ZFPM2: variants seen among roughly 807,000 people sequenced by gnomAD.
The protein encoded by ZFPM2 is zinc finger protein, FOG family member 2, also known as zinc finger protein ZFPM2.
ZFPM2 carries 20 observed loss-of-function variants against 98.6 expected under a neutral mutation model. The ratio of observed to expected loss-of-function variants is 0.20; its 90% CI spans 0.14 to 0.29. The LOEUF (loss-of-function observed/expected upper bound fraction) is 0.29. Among genes scored for constraint, ZFPM2 ranks in the 10% least tolerant of loss-of-function variants. The pLI, the probability that ZFPM2 is intolerant of heterozygous loss-of-function variation, is 1.00. For synonymous variants in ZFPM2, 518 were observed against 502.7 expected, an observed-to-expected ratio of 1.03 and a Z score of -0.41; for missense variants, 1,310 against 1,388.6, an observed-to-expected ratio of 0.94 and a Z score of 0.90.
chr8:105,713,119 C>T (rs1413629089), intron 5 of ZFPM2, among the ~76,000 whole-genome samples: 1 of 152,078 alleles, frequency 6.6e-6, no homozygotes, highest in African/African-American at 2.4e-5. Flanking sequence ...AAACTGCTTT[C>T]TATAGTGACT....
chr8:105,658,604 A>AAAAAAAAAAAAAAAAAAAC (rs1817332317), intron 5 of ZFPM2, among the ~76,000 whole-genome samples: 1 of 149,284 alleles, frequency 6.7e-6, no homozygotes, highest in Non-Finnish European at 1.5e-5. Flanking sequence ...AAAAAAAAAA[A>AAAAAAAAAAAAAAAAAAAC]AAAAAAAGAA....
chr8:105,431,173 G>T (rs1283078616), intron 2 of ZFPM2, among the ~76,000 whole-genome samples: 1 of 152,042 alleles, frequency 6.6e-6, no homozygotes, highest in African/African-American at 2.4e-5. Context: ...TTCCCAAAGT[G>T]CTGGGGTTAC....
chr8:105,354,944 ACT>A (rs1357628545), intron 1 of ZFPM2, among the ~76,000 whole-genome samples: 7 of 152,110 alleles, frequency 4.6e-5, no homozygotes, highest in Non-Finnish European at 1.0e-4. Context: ...ACAGAGCAAG[ACT>A]CTGTCTCAAA....
intron 5 of ZFPM2, among the ~76,000 whole-genome samples, chr8:105,713,335 A>G (rs1811446755): frequency 1.3e-5 from 2 of 151,730 alleles, no homozygotes; most frequent in Non-Finnish European, 2.9e-5. Flanking sequence ...TTTGAAGAGT[A>G]TTTGTTCATG....
intron 5 of ZFPM2, among the ~76,000 whole-genome samples, chr8:105,769,697 TA>T (rs1563556034): frequency 6.6e-6 from 1 of 152,046 alleles, no homozygotes; most frequent in Non-Finnish European, 1.5e-5. Flanking sequence ...TATCACTGCT[TA>T]TAAAACATAA....
intron 3 of ZFPM2, among the ~76,000 whole-genome samples, chr8:105,536,397 C>T (rs1563706173): frequency 6.6e-6 from 1 of 151,652 alleles, no homozygotes; most frequent in Non-Finnish European, 1.5e-5. Flanking sequence ...AGTTTCTTTT[C>T]CCCTCTTGTC....
intron 3 of ZFPM2, among the ~76,000 whole-genome samples, chr8:105,484,746 G>A (rs1018210704): frequency 1.3e-5 from 2 of 152,136 alleles, no homozygotes; most frequent in African/African-American, 4.8e-5. Context: ...TGATGAATTT[G>A]TGTATTTATC....
chr8:105,414,185 T>G (rs1160797293), intron 1 of ZFPM2, among the ~76,000 whole-genome samples: 3 of 151,982 alleles, frequency 2.0e-5, no homozygotes, highest in Admixed American at 2.0e-4. Flanking sequence ...GCATGCAATA[T>G]CAAGCTAAAG....
intron 5 of ZFPM2, among the ~76,000 whole-genome samples, chr8:105,672,550 T>C (rs1817615401): frequency 6.6e-6 from 1 of 152,138 alleles, no homozygotes; most frequent in East Asian, 1.9e-4. Flanking sequence ...GTGCCATTGA[T>C]TTTTAAAAAT....
intron 5 of ZFPM2, among the ~76,000 whole-genome samples, chr8:105,781,902 A>AACTT (rs1377448907): frequency 6.6e-6 from 1 of 152,186 alleles, no homozygotes; most frequent in Non-Finnish European, 1.5e-5. Flanking sequence ...CAATTATTCA[A>AACTT]ACTTAGTAAT....
At chr8:105,354,921 T>C (rs989383382) in intron 1 of ZFPM2, among the ~76,000 whole-genome samples, 4 of 151,642 alleles carry the variant, frequency 2.6e-5, no homozygotes, top group Non-Finnish European at 5.9e-5. Context: ...GCCACTGCAC[T>C]CCAGCCTGGG....
intron 1 of ZFPM2, among the ~76,000 whole-genome samples, chr8:105,373,753 G>A (rs1377747412): frequency 2.0e-5 from 3 of 152,058 alleles, no homozygotes. Context: ...TGGAAACTAT[G>A]TTTTTTTAGT....
intron 3 of ZFPM2, chr8:105,528,970 G>GT (rs1184459916): frequency 6.6e-6 from 1 of 152,094 alleles, no homozygotes; most frequent in African/African-American, 2.4e-5. Flanking sequence ...TGAAAACAAG[G>GT]TAAAAAGCCA....
chr8:105,394,956 CT>C (rs1393730056), intron 1 of ZFPM2, among the ~76,000 whole-genome samples: 1 of 152,178 alleles, frequency 6.6e-6, no homozygotes, highest in Non-Finnish European at 1.5e-5. Flanking sequence ...GTCAAACAGT[CT>C]TTTCTGGTCC....
intron 4 of ZFPM2, among the ~76,000 whole-genome samples, chr8:105,593,479 T>G (rs868411089): frequency 1.1e-4 from 17 of 152,148 alleles, no homozygotes; most frequent in African/African-American, 3.1e-4. Flanking sequence ...AAATATGGGA[T>G]TTAATGTACT....
chr8:105,594,864 T>C (rs1815935028), intron 4 of ZFPM2, among the ~76,000 whole-genome samples: 1 of 152,118 alleles, frequency 6.6e-6, no homozygotes, highest in African/African-American at 2.4e-5. Context: ...TTATACCAAC[T>C]ATATTTAGTC....
intron 5 of ZFPM2, among the ~76,000 whole-genome samples, chr8:105,744,240 A>G (rs961861595): frequency 2.0e-5 from 3 of 152,044 alleles, no homozygotes; most frequent in African/African-American, 4.8e-5. Context: ...GTGGAAGTTT[A>G]TACTCTTAAA....
chr8:105,683,047 T>C (rs1333978216), intron 5 of ZFPM2, among the ~76,000 whole-genome samples: 1 of 152,078 alleles, frequency 6.6e-6, no homozygotes, highest in East Asian at 1.9e-4. Flanking sequence ...CCTTACATGG[T>C]GGAAAGGCAA....
At chr8:105,761,791 A>G (rs771926515) in intron 5 of ZFPM2, among the ~76,000 whole-genome samples, 40 of 152,118 alleles carry the variant, frequency 2.6e-4, no homozygotes, top group Non-Finnish European at 5.4e-4. Flanking sequence ...ACAGTATAAC[A>G]TTTTGTAAAA....
Sources: allele counts gnomAD v4.1 joint callset (sites outside exome capture counted in the v4.1 genomes callset), GRCh38; gene constraint gnomAD v4.1.1; transcripts MANE v1.5; gene names NCBI Gene and HGNC (gene_info 2026-07-23, HGNC 2026-07-21).